Variants in TTC28 observed in about 807,000 individuals in gnomAD.
TTC28 encodes tetratricopeptide repeat protein 28.
In TTC28, 61 loss-of-function variants were observed where a neutral mutation model predicts 198.0. The observed-to-expected ratio is 0.31, with a 90% confidence interval of 0.25 to 0.38. TTC28 has a LOEUF of 0.38. Among genes scored for constraint, TTC28 ranks in the 10% least tolerant of loss-of-function variants. The pLI, the probability that TTC28 is intolerant of heterozygous loss-of-function variation, is 1.00. For missense variants in TTC28, 2,678 were observed against 3,164.0 expected (o/e 0.85, Z 3.69); for synonymous variants, 1,171 against 1,297.8 (o/e 0.90, Z 2.10).
intron 2 of TTC28, among the ~76,000 whole-genome samples, chr22:28,479,626 A>G (rs2048217915): frequency 6.6e-6 from 1 of 152,208 alleles, no homozygotes; most frequent in South Asian, 2.1e-4. Flanking sequence ...TAATTAATTA[A>G]TAAACATTTT....
chr22:28,066,541 T>A (rs1047388322), intron 12 of TTC28, among the ~76,000 whole-genome samples: 4 of 152,148 alleles, frequency 2.6e-5, no homozygotes, highest in Non-Finnish European at 5.9e-5. Flanking sequence ...TTCTATGACT[T>A]AGATTTTTAT....
chr22:28,082,625 A>C (rs1199280237), intron 12 of TTC28, among the ~76,000 whole-genome samples: 1 of 152,138 alleles, frequency 6.6e-6, no homozygotes, highest in African/African-American at 2.4e-5. Flanking sequence ...GAATCCTTTT[A>C]ATGTATTATT....
chr22:28,679,187 C>T (rs2052050336), intron 1 of TTC28, among the ~76,000 whole-genome samples: 1 of 152,246 alleles, frequency 6.6e-6, no homozygotes, highest in African/African-American at 2.4e-5. Context: ...GCTCACTCCT[C>T]ACAAACCCCA....
intron 2 of TTC28, among the ~76,000 whole-genome samples, chr22:28,572,179 C>CAA (rs761717479): frequency 2.6e-5 from 3 of 116,484 alleles, no homozygotes; most frequent in East Asian, 2.4e-4. Flanking sequence ...ACTGAAAATA[C>CAA]AAAAAAAAAA....
intron 2 of TTC28, among the ~76,000 whole-genome samples, chr22:28,515,446 T>C (rs2048767413): frequency 1.3e-5 from 2 of 152,330 alleles, no homozygotes; most frequent in South Asian, 4.1e-4. Context: ...CGTGGGCATA[T>C]AGGAAAACCA....
intron 5 of TTC28, among the ~76,000 whole-genome samples, chr22:28,248,534 A>T (rs1298185459): frequency 1.3e-5 from 2 of 151,668 alleles, no homozygotes; most frequent in Admixed American, 6.6e-5. Flanking sequence ...TAAGTGGCTA[A>T]TTTTTTTTTC....
chr22:28,530,418 C>T (rs2049107536), intron 2 of TTC28, among the ~76,000 whole-genome samples: 1 of 152,142 alleles, frequency 6.6e-6, no homozygotes, highest in Non-Finnish European at 1.5e-5. Context: ...TGTGAAAAGA[C>T]CAAATCTACG....
intron 14 of TTC28, among the ~76,000 whole-genome samples, chr22:28,013,990 A>G (rs1440576868): frequency 6.6e-6 from 1 of 152,066 alleles, no homozygotes; most frequent in East Asian, 1.9e-4. Context: ...GCTTGTAGGG[A>G]GCAGAGCTAG....
At chr22:28,590,061 A>AAAAAAAAC (rs1555898135) in intron 2 of TTC28, among the ~76,000 whole-genome samples, 7 of 142,302 alleles carry the variant, frequency 4.9e-5, no homozygotes, top group Non-Finnish European at 9.4e-5. Context: ...AAAAAAAAAA[A>AAAAAAAAC]ACACAGAAAA....
chr22:28,180,585 A>G (rs2147103333), intron 5 of TTC28, among the ~76,000 whole-genome samples: 1 of 151,818 alleles, frequency 6.6e-6, no homozygotes, highest in East Asian at 1.9e-4. Context: ...AGTCTGCCCT[A>G]GTTTCAGCCC....
intron 6 of TTC28, among the ~76,000 whole-genome samples, chr22:28,127,753 C>T (rs1249737994): frequency 6.6e-6 from 1 of 152,018 alleles, no homozygotes; most frequent in Non-Finnish European, 1.5e-5. Flanking sequence ...ATTTTCTTTC[C>T]ATAGGCTGTC....
At chr22:28,013,005 T>C (rs1254117144) in intron 14 of TTC28, among the ~76,000 whole-genome samples, 2 of 146,898 alleles carry the variant, frequency 1.4e-5, no homozygotes, top group Non-Finnish European at 1.5e-5. Context: ...CACCACACCC[T>C]GTCCCCAAGC....
At chr22:28,257,648 G>A (rs1214449859) in intron 5 of TTC28, among the ~76,000 whole-genome samples, 1 of 146,520 alleles carries the variant, frequency 6.8e-6, no homozygotes, top group Non-Finnish European at 1.5e-5. Context: ...GGGGAAAAAA[G>A]AATATAAATA....
At chr22:28,368,075 C>A (rs2145981393) in intron 2 of TTC28, among the ~76,000 whole-genome samples, 1 of 152,150 alleles carries the variant, frequency 6.6e-6, no homozygotes, top group East Asian at 1.9e-4. Context: ...CAGTATTACC[C>A]TGATTCCAAA....
At chr22:28,169,870 A>G (rs1922473883) in intron 5 of TTC28, among the ~76,000 whole-genome samples, 1 of 151,988 alleles carries the variant, frequency 6.6e-6, no homozygotes, top group Non-Finnish European at 1.5e-5. Flanking sequence ...AAATTGGGGA[A>G]TTTTAAAATA....
rs554573739 is a variant in TTC28 at position 28,349,467 on chromosome 22, A to G, written c.382-42824T>C. Among the ~76,000 whole-genome samples, 3 of 152,362 alleles carry G rather than the reference A, an allele frequency of 2.0e-5. No homozygotes were observed. In the South Asian group the frequency reaches 6.2e-4, roughly 32 times the overall value. The stretch of plus-strand genomic sequence containing the variant: ...ACCACGACTGAACAAATGCCCATCC[A>G]TCTGCCTGAATGGTACTAAAGAATA... On this transcript the variant is annotated intron_variant, in intron 2 of 22. Coordinates refer to ENST00000397906, the MANE Select transcript of TTC28 (RefSeq NM_001145418.2).
intron 12 of TTC28, among the ~76,000 whole-genome samples, chr22:28,053,367 A>G (rs879819968): frequency 1.1e-4 from 17 of 152,250 alleles, no homozygotes; most frequent in Admixed American, 4.6e-4. Flanking sequence ...TGAGAAATAA[A>G]ATAAGAAAAG....
intron 2 of TTC28, among the ~76,000 whole-genome samples, chr22:28,501,208 C>T (rs1335110933): frequency 1.3e-5 from 2 of 152,010 alleles, no homozygotes; most frequent in Non-Finnish European, 2.9e-5. Context: ...TAAATATAAT[C>T]ATCAGAAAAA....
chr22:28,366,787 C>T (rs1419196225), intron 2 of TTC28, among the ~76,000 whole-genome samples: 1 of 151,858 alleles, frequency 6.6e-6, no homozygotes, highest in Admixed American at 6.6e-5. Flanking sequence ...GGGTTAGCTA[C>T]CCTTATATCA....
Sources: gnomAD v4.1 joint callset for allele counts (sites outside exome capture counted in the v4.1 genomes callset) on GRCh38, gnomAD v4.1.1 for gene constraint, MANE v1.5 for transcripts, NCBI Gene and HGNC (gene_info 2026-07-23, HGNC 2026-07-21) for gene names.